The following TMX4 variants were observed in gnomAD, a reference collection of about 807,000 sequenced individuals.
The protein encoded by TMX4 is thioredoxin related transmembrane protein 4, also known as thioredoxin-related transmembrane protein 4.
A neutral mutation model predicts 33.3 loss-of-function variants in TMX4; 23 were observed. The observed-to-expected ratio is 0.69, with a 90% CI of 0.50 to 0.98. TMX4 has a LOEUF of 0.98. Among genes scored for constraint, TMX4 ranks in the 50% least tolerant of loss-of-function variants. TMX4 has a pLI of 0.00. For synonymous variants in TMX4, 164 were observed against 161.5 expected, an observed-to-expected ratio of 1.02 and a Z score of -0.12; for missense variants, 399 against 448.9, an observed-to-expected ratio of 0.89 and a Z score of 1.01.
At chr20:7,989,461 CTTTTGAAGCATTGCATT>C (rs1180627998) in intron 5 of TMX4, among the ~76,000 whole-genome samples, 1 of 152,146 alleles carries the variant, frequency 6.6e-6, no homozygotes, top group Non-Finnish European at 1.5e-5. Flanking sequence ...AAATCATTTG[CTTTTGAAGCATTGCATT>C]CTGACTCAAA....
At chr20:7,986,864 G>C (rs1160862085) in intron 6 of TMX4, among the ~76,000 whole-genome samples, 1 of 152,126 alleles carries the variant, frequency 6.6e-6, no homozygotes, top group Non-Finnish European at 1.5e-5. Flanking sequence ...AGTTTAACTG[G>C]AGGATAAGAA....
intron 5 of TMX4, among the ~76,000 whole-genome samples, chr20:7,993,802 G>A (rs1293946913): frequency 1.4e-5 from 2 of 147,802 alleles, no homozygotes; most frequent in Non-Finnish European, 3.0e-5. Context: ...CACACACACG[G>A]AGATCAAAAT....
intron 5 of TMX4, among the ~76,000 whole-genome samples, chr20:7,991,245 C>T (rs771382109): frequency 3.3e-5 from 5 of 152,154 alleles, no homozygotes; most frequent in Non-Finnish European, 7.3e-5. Flanking sequence ...CCTCTCAAAA[C>T]GACAGTAACA....
At chr20:8,010,374 A>G in intron 1 of TMX4, 59 bp from the exon 2 acceptor site, 1 of 1,063,892 alleles carries the variant, frequency 9.4e-7, no homozygotes, top group East Asian at 2.9e-5. Flanking sequence ...TGCAAAACAG[A>G]GAAATCGAGT....
At chr20:7,995,415 G>A (rs1364405548) in intron 5 of TMX4, among the ~76,000 whole-genome samples, 4 of 152,146 alleles carry the variant, frequency 2.6e-5, no homozygotes, top group Non-Finnish European at 4.4e-5. Context: ...CTGAATAACA[G>A]TTCTAACCCA....
At chr20:7,995,362 T>G (rs754430591) in intron 5 of TMX4, among the ~76,000 whole-genome samples, 1 of 152,202 alleles carries the variant, frequency 6.6e-6, no homozygotes, top group Non-Finnish European at 1.5e-5. Flanking sequence ...AATAAAAGGT[T>G]ATGGGACATA....
At chr20:8,008,722 A>G (rs1283999958) in intron 2 of TMX4, among the ~76,000 whole-genome samples, 1 of 152,210 alleles carries the variant, frequency 6.6e-6, no homozygotes, top group Admixed American at 6.5e-5. Flanking sequence ...GCCTGAATTT[A>G]GTTTACTTAA....
chr20:8,003,987 G>C (rs2050717406), intron 2 of TMX4, among the ~76,000 whole-genome samples: 1 of 152,178 alleles, frequency 6.6e-6, no homozygotes, highest in Admixed American at 6.5e-5. Context: ...TCAGTTTGCT[G>C]TCTGGAATAA....
chr20:8,011,157 T>C (rs1568539246), intron 1 of TMX4, among the ~76,000 whole-genome samples: 4 of 152,140 alleles, frequency 2.6e-5, no homozygotes, highest in African/African-American at 9.7e-5. Flanking sequence ...TGAGCATTTT[T>C]AAAATGCCAA....
chr20:8,010,333 G>A lies in TMX4; in HGVS notation c.177-18C>T, dbSNP rs1457022769. The A allele has an allele frequency of 1.3e-6, 2 of 1,513,548 alleles. No homozygotes were observed. 93.8% of individuals were successfully genotyped at this position (1,513,548 alleles called of 1,614,324 possible). ...GGGCGTAACTATAAGAGAAGAATAA[G>A]AATTATATTGATAAATATACAGAAG... On this transcript the variant is annotated intron_variant, in intron 1 of 7. Coordinates refer to ENST00000246024, the MANE Select transcript of TMX4 (RefSeq NM_021156.4).
At chr20:7,987,257 A>C in intron 6 of TMX4, 31 bp downstream of exon 6, 7 of 1,402,556 alleles carry the variant, frequency 5.0e-6, no homozygotes, top group Non-Finnish European at 5.9e-6. Context: ...TTTTGCCTTA[A>C]AGATAGAAAA....
intron 1 of TMX4, among the ~76,000 whole-genome samples, chr20:8,014,530 G>T (rs569147445): frequency 8.5e-5 from 13 of 152,260 alleles, no homozygotes; most frequent in Admixed American, 8.5e-4. Flanking sequence ...AAATAACCTT[G>T]TTCCTTTACT....
intron 1 of TMX4, among the ~76,000 whole-genome samples, chr20:8,010,600 T>C (rs2122878331): frequency 6.6e-6 from 1 of 152,270 alleles, no homozygotes; most frequent in Admixed American, 6.5e-5. Flanking sequence ...CATACAATTA[T>C]GTTTCTCTCC....
chr20:7,985,257 G>GTA lies in TMX4; in HGVS notation c.616-1402_616-1401dup, dbSNP rs200269653. On this transcript the variant is annotated intron_variant, in intron 6 of 7. Coordinates refer to ENST00000246024, the MANE Select transcript of TMX4 (RefSeq NM_021156.4). ...TGTGTGTATATATATGTGTGTGTGT[G>GTA]TATATATATATATATATATATTTTT... 2.5e-3 allele frequency among the ~76,000 whole-genome samples: 332 copies of GTA among 130,786 alleles called. 2 individuals are homozygous for GTA. The highest frequency in any genetic ancestry group is 0.011 in the South Asian group (42 of 3,966). 85.8% of individuals were successfully genotyped at this position (130,786 alleles called of 152,430 possible). A position where few individuals can be genotyped will look rare whatever the true frequency, so the allele number is the denominator to read the frequency against.
intron 5 of TMX4, among the ~76,000 whole-genome samples, chr20:7,992,863 T>C (rs899696481): frequency 1.3e-5 from 2 of 152,216 alleles, no homozygotes; most frequent in African/African-American, 4.8e-5. Context: ...CTCAATAGGC[T>C]CTGATCTAAA....
intron 5 of TMX4, among the ~76,000 whole-genome samples, chr20:7,991,372 A>G (rs560836072): frequency 5.3e-5 from 8 of 152,370 alleles, no homozygotes; most frequent in African/African-American, 1.9e-4. Flanking sequence ...AAGCATATAC[A>G]GGTTGAGTAT....
chr20:8,005,466 T>C (rs2050724999), intron 2 of TMX4, among the ~76,000 whole-genome samples: 1 of 152,120 alleles, frequency 6.6e-6, no homozygotes, highest in Non-Finnish European at 1.5e-5. Context: ...GGCAGGGAAG[T>C]GCTGGGAGGG....
chr20:7,982,387 T>A lies in TMX4; in HGVS notation c.914A>T (p.Asp305Val). The A allele has an allele frequency of 1.2e-6, 2 of 1,614,074 alleles. No individual in the cohort carries two copies. Among genetic ancestry groups the A allele is most frequent in the Non-Finnish European group, 1.7e-6 (2 of 1,180,028 alleles). ...EANDQGPPGE[D>V]GVTREEVEPE... is the part of the protein sequence containing the mutation. ...CTCTACTTCCTCCCGGGTCACACCG[T>A]CCTCTCCTGGGGGCCCCTGATCATT... Residue 305 changes from aspartate (D) to valine (V), a missense_variant, in exon 8 of 8, where the codon GAC becomes GTC. Asp to Val is a radical substitution (Grantham distance 152). Coordinates refer to ENST00000246024, the MANE Select transcript of TMX4 (RefSeq NM_021156.4).
intron 1 of TMX4, among the ~76,000 whole-genome samples, chr20:8,011,329 CT>C (rs1244447278): frequency 4.6e-5 from 7 of 151,900 alleles, no homozygotes; most frequent in African/African-American, 1.7e-4. Flanking sequence ...CACAAAATGC[CT>C]TAGGAAGGGA....
Sources: gnomAD v4.1 joint callset for allele counts (sites outside exome capture counted in the v4.1 genomes callset) on GRCh38, gnomAD v4.1.1 for gene constraint, MANE v1.5 for transcripts, NCBI Gene and HGNC (gene_info 2026-07-23, HGNC 2026-07-21) for gene names.